The following MARCHF6 variants were observed in gnomAD, a reference collection of about 807,000 sequenced individuals.
The protein encoded by MARCHF6 is E3 ubiquitin-protein ligase MARCHF6.
A neutral mutation model predicts 133.7 loss-of-function variants in MARCHF6; 31 were observed. That is an observed-to-expected ratio of 0.23 (90% CI 0.17 to 0.31). MARCHF6 has a LOEUF of 0.31. MARCHF6 is among the 10% of genes least tolerant of loss of function. The probability of loss-of-function intolerance (pLI) is 1.00; values close to 1 mark genes in which losing one functional copy is unlikely to be tolerated. For missense variants in MARCHF6, 723 were observed against 1,121.6 expected (o/e 0.64, Z 5.08); for synonymous variants, 395 against 402.5 (o/e 0.98, Z 0.22).
At chr5:10,414,606 G>T in intron 20 of MARCHF6, 104 bp downstream of exon 20, 1 of 874,562 alleles carries the variant, frequency 1.1e-6, no homozygotes. Context: ...GTAGTAGTAT[G>T]ATCATAGCTT....
rs142393205 is a variant in MARCHF6 at position 10,395,298 on chromosome 5, A to T, written c.861+513A>T. On this transcript the variant is annotated intron_variant, in intron 9 of 25. Transcript: ENST00000274140. Reference sequence around the variant, plus strand: ...AAAAATTGTTAAATATTTGATTTTTAGCAAAGAAAATAAACCCCAAAGTTA... The same window carrying T: ...AAAAATTGTTAAATATTTGATTTTTTGCAAAGAAAATAAACCCCAAAGTTA... 9.6e-3 allele frequency among the ~76,000 whole-genome samples: 1,468 copies of T among 152,358 alleles called. 24 individuals are homozygous for T. The highest frequency in any genetic ancestry group is 0.034 in the African/African-American group (1,408 of 41,590).
rs570321065 is a variant in MARCHF6 at position 10,360,252 on chromosome 5, C to T, written c.19+6335C>T. ...GCAACCTCCGCCTCCCAGGTTCAAGCGATTCTCCTGCCTCAGCCTCCCGAG... is the reference window on the plus strand; with the variant it reads ...GCAACCTCCGCCTCCCAGGTTCAAGTGATTCTCCTGCCTCAGCCTCCCGAG... On this transcript the variant is annotated intron_variant, in intron 1 of 25. Coordinates refer to ENST00000274140, the MANE Select transcript of MARCHF6 (RefSeq NM_005885.4). Among the ~76,000 whole-genome samples the T allele has an allele frequency of 2.7e-5, 4 of 145,700 alleles. No individual in the cohort carries two copies. In the East Asian group the frequency reaches 6.2e-4, roughly 23 times the overall value.
Position 10,397,328 on chromosome 5 carries a change from G to A in MARCHF6, c.897G>A (p.Leu299=). The A allele has an allele frequency of 1.3e-6, 2 of 1,567,422 alleles. No homozygotes were observed. Among genetic ancestry groups the A allele is most frequent in the African/African-American group, 1.4e-5 (1 of 71,204 alleles). Residue 299 remains leucine (L), a synonymous_variant, in exon 10 of 26, where the codon CTG becomes CTA. Coordinates refer to ENST00000274140, the MANE Select transcript of MARCHF6 (RefSeq NM_005885.4). ...TCTGGGTGGTATCTTTAAATACACT[G>A]TTCATTCTTGTTTTTGGTAAGTTGT... ...HVFWVVSLNT[L]FILVFAFCPY...
chr5:10,429,691 A>G (rs937435256), intron 24 of MARCHF6, among the ~76,000 whole-genome samples: 2 of 152,096 alleles, frequency 1.3e-5, no homozygotes, highest in South Asian at 2.1e-4. Flanking sequence ...GCGAGCTACT[A>G]TGCCTGGCCT....
At chr5:10,354,011 C>T in intron 1 of MARCHF6, 94 bp downstream of exon 1, 1 of 1,296,020 alleles carries the variant, frequency 7.7e-7, no homozygotes, top group Non-Finnish European at 1.0e-6. Flanking sequence ...GCTGCTGGAT[C>T]GCGGCGGGGC....
intron 11 of MARCHF6, chr5:10,401,246 T>C (rs78847994): frequency 0.031 from 4,926 of 161,464 alleles, 257 homozygotes; most frequent in African/African-American, 0.11. Flanking sequence ...TGTAGTGTTT[T>C]CTAGAGTGCT....
chr5:10,394,222 C>A, intron 8 of MARCHF6, 79 bp downstream of exon 8: 1 of 803,618 alleles, frequency 1.2e-6, no homozygotes, highest in Non-Finnish European at 1.9e-6. Flanking sequence ...TAGATGTATA[C>A]ACTAATGTTA....
At chr5:10,406,953 C>G (rs969409423) in intron 16 of MARCHF6, 149 bp from the exon 17 acceptor site, 5 of 456,776 alleles carry the variant, frequency 1.1e-5, no homozygotes, top group Non-Finnish European at 2.0e-5. Flanking sequence ...CAAAATGACT[C>G]AAAGATAATG....
In MARCHF6 at chr5:10,439,749, C is replaced by G. The variant is rs1400428091; in HGVS notation, c.*6065C>G. ...ACCCTCAGAACTCTCCAATAGACGA[C>G]CATGGCACTCAAAAGTCCACAATAG... On this transcript the variant is annotated 3_prime_UTR_variant, in exon 26 of 26. Coordinates refer to ENST00000274140, the MANE Select transcript of MARCHF6 (RefSeq NM_005885.4). 1 of 152,342 alleles carries G rather than the reference C, an allele frequency of 6.6e-6. No homozygotes were observed. Among genetic ancestry groups the G allele is most frequent in the African/African-American group, 2.4e-5 (1 of 41,466 alleles). The allele number at this position is 152,342 out of a possible 1,614,324, so 9.4% of individuals were successfully genotyped here.
chr5:10,354,177 C>G (rs934288671), intron 1 of MARCHF6, among the ~76,000 whole-genome samples: 2 of 152,034 alleles, frequency 1.3e-5, no homozygotes, highest in Non-Finnish European at 2.9e-5. Context: ...CTCGGGGCTA[C>G]TGCAGGCCGG....
chr5:10,368,702 C>A (rs1039543138), intron 1 of MARCHF6, among the ~76,000 whole-genome samples: 1 of 152,054 alleles, frequency 6.6e-6, no homozygotes, highest in African/African-American at 2.4e-5. Context: ...GCCTCTGCCT[C>A]GCAAGTAGCT....
At chr5:10,357,477 T>C (rs1310791580) in intron 1 of MARCHF6, among the ~76,000 whole-genome samples, 2 of 152,134 alleles carry the variant, frequency 1.3e-5, no homozygotes, top group African/African-American at 2.4e-5. Context: ...ACGGAACATA[T>C]TCATTCGAAA....
chr5:10,377,845 T>C lies in MARCHF6; in HGVS notation c.67T>C (p.Tyr23His). The C allele has an allele frequency of 6.2e-7, 1 of 1,613,740 alleles. No individual in the cohort carries two copies. The highest frequency in any genetic ancestry group is 8.5e-7 in the Non-Finnish European group (1 of 1,179,696). ...RSEGTPEKPL[Y>H]HPCVCTGSIK... ...AGAAGGAACACCTGAGAAACCGCTT[T>C]ATCATCCTTGTGTATGTACTGGCAG... is the stretch of plus-strand genomic sequence containing the variant. Residue 23 changes from tyrosine (Y) to histidine (H), a missense_variant, in exon 2 of 26, where the codon TAT (tyrosine) becomes CAT (histidine). Transcript: ENST00000274140.
At chr5:10,405,447 C>T in intron 15 of MARCHF6, 111 bp from the exon 16 acceptor site, 1 of 910,254 alleles carries the variant, frequency 1.1e-6, no homozygotes, top group Non-Finnish European at 1.6e-6. Flanking sequence ...CTGGGGCCCA[C>T]TTTAGATGCC....
At chr5:10,380,926 CAA>C (rs200519303) in intron 3 of MARCHF6, among the ~76,000 whole-genome samples, 51 of 98,292 alleles carry the variant, frequency 5.2e-4, no homozygotes, top group Admixed American at 6.5e-4. Flanking sequence ...GACTCTGACT[CAA>C]AAAAAAAAAA....
chr5:10,400,906 A>G, intron 11 of MARCHF6, 64 bp downstream of exon 11: 1 of 1,256,624 alleles, frequency 8.0e-7, no homozygotes. Context: ...TATTAATAAA[A>G]TAGTATTCTA....
intron 13 of MARCHF6, 29 bp from the exon 14 acceptor site, chr5:10,402,504 G>A: frequency 6.2e-7 from 1 of 1,611,822 alleles, no homozygotes; most frequent in Non-Finnish European, 8.5e-7. Context: ...ACATTTGGGT[G>A]ATACTGATGA....
At chr5:10,404,627 A>G (rs1330664363) in intron 15 of MARCHF6, among the ~76,000 whole-genome samples, 1 of 152,156 alleles carries the variant, frequency 6.6e-6, no homozygotes, top group Non-Finnish European at 1.5e-5. Context: ...GGTGATGGAG[A>G]TGTGCAGGGT....
intron 1 of MARCHF6, among the ~76,000 whole-genome samples, chr5:10,368,960 A>T (rs1025106378): frequency 2.5e-5 from 3 of 122,408 alleles, no homozygotes; most frequent in Admixed American, 2.3e-4. Context: ...CTGTTTCTTT[A>T]AAAAAAAAAA....
Sources: gnomAD v4.1 joint callset for allele counts (sites outside exome capture counted in the v4.1 genomes callset) on GRCh38, gnomAD v4.1.1 for gene constraint, MANE v1.5 for transcripts, NCBI Gene and HGNC (gene_info 2026-07-23, HGNC 2026-07-21) for gene names.